The following GAB2 variants were observed in gnomAD, a reference collection of about 807,000 sequenced individuals.
The protein encoded by GAB2 is GRB2-associated-binding protein 2.
GAB2 carries 26 observed loss-of-function variants against 65.5 expected under a neutral mutation model. The ratio of observed to expected loss-of-function variants is 0.40; its 90% CI spans 0.29 to 0.55. The LOEUF (loss-of-function observed/expected upper bound fraction) is 0.55. Among genes scored for constraint, GAB2 ranks in the 20% least tolerant of loss-of-function variants. The pLI, the probability that GAB2 is intolerant of heterozygous loss-of-function variation, is 0.53. For synonymous variants in GAB2, 321 were observed against 329.6 expected, an observed-to-expected ratio of 0.97 and a Z score of 0.28; for missense variants, 884 against 875.8, an observed-to-expected ratio of 1.01 and a Z score of -0.12.
At chr11:78,263,699 C>T (rs2134550270) in intron 2 of GAB2, among the ~76,000 whole-genome samples, 1 of 151,818 alleles carries the variant, frequency 6.6e-6, no homozygotes, top group Admixed American at 6.6e-5. Context: ...GCTTAAATCA[C>T]CAGCTTGTTC....
chr11:78,404,484 C>G (rs1292671452), intron 1 of GAB2, among the ~76,000 whole-genome samples: 1 of 152,208 alleles, frequency 6.6e-6, no homozygotes, highest in Non-Finnish European at 1.5e-5. Context: ...GAGGTTGAGG[C>G]TGCAGTGAGC....
chr11:78,377,844 A>G (rs915469354), intron 1 of GAB2, among the ~76,000 whole-genome samples: 3 of 152,182 alleles, frequency 2.0e-5, no homozygotes, highest in Non-Finnish European at 4.4e-5. Flanking sequence ...ACCCTGCCAG[A>G]GATAAGGAGG....
chr11:78,341,542 T>C (rs1856095104), intron 1 of GAB2, among the ~76,000 whole-genome samples: 1 of 152,180 alleles, frequency 6.6e-6, no homozygotes, highest in Non-Finnish European at 1.5e-5. Flanking sequence ...ACCATAATGA[T>C]CCTGCACTAG....
intron 4 of GAB2, among the ~76,000 whole-genome samples, chr11:78,225,994 A>G (rs951628543): frequency 3.3e-5 from 5 of 152,266 alleles, no homozygotes; most frequent in Admixed American, 3.3e-4. Flanking sequence ...ACTTCAAATA[A>G]AAGTTTTGAC....
At chr11:78,262,734 TC>T (rs1236220785) in intron 2 of GAB2, among the ~76,000 whole-genome samples, 4 of 152,118 alleles carry the variant, frequency 2.6e-5, no homozygotes, top group Admixed American at 1.3e-4. Context: ...AAAATTGCAG[TC>T]CAAAAGGGAG....
At chr11:78,228,339 GAATC>G (rs1478846728) in intron 3 of GAB2, among the ~76,000 whole-genome samples, 2 of 152,204 alleles carry the variant, frequency 1.3e-5, no homozygotes, top group Non-Finnish European at 2.9e-5. Flanking sequence ...GGGAAAAAAA[GAATC>G]AATCCTTTGT....
At chr11:78,248,802 G>A (rs1458885675) in intron 3 of GAB2, among the ~76,000 whole-genome samples, 3 of 152,124 alleles carry the variant, frequency 2.0e-5, no homozygotes, top group African/African-American at 4.8e-5. Flanking sequence ...ACCCATATCC[G>A]ACTGACTCCA....
At position 78,302,440 on chromosome 11, in the gene GAB2, G is replaced by T. The variant is rs145027298; in HGVS notation, c.76-21539C>A. Among the ~76,000 whole-genome samples, 1,265 of 152,028 alleles carry T rather than the reference G, an allele frequency of 8.3e-3. 12 individuals carry two copies. The highest frequency in any genetic ancestry group is 0.029 in the African/African-American group (1,187 of 41,460). On this transcript the variant is annotated intron_variant, in intron 1 of 9. Transcript: ENST00000361507. ...ACAGACATATGAAAAAATGCTCAAC[G>T]TCACTAATGATCAGGCAAATGCAAA... is the stretch of plus-strand genomic sequence containing the variant.
At chr11:78,320,817 T>A (rs1855709918) in intron 1 of GAB2, among the ~76,000 whole-genome samples, 3 of 148,566 alleles carry the variant, frequency 2.0e-5, no homozygotes, top group Admixed American at 6.8e-5. Flanking sequence ...GTGATCCACC[T>A]GCCATGGCCT....
At chr11:78,280,556 C>T (rs578119668) in intron 2 of GAB2, 45 bp downstream of exon 2, 59 of 1,481,604 alleles carry the variant, frequency 4.0e-5, no homozygotes, top group Admixed American at 1.4e-4. Flanking sequence ...ATCCAAGGGC[C>T]TCACCTCAAC....
At chr11:78,283,364 A>G (rs987628009) in intron 1 of GAB2, among the ~76,000 whole-genome samples, 2 of 152,190 alleles carry the variant, frequency 1.3e-5, no homozygotes, top group African/African-American at 2.4e-5. Context: ...CCCCTTCTTC[A>G]GAATCGTTGC....
chr11:78,259,921 T>C (rs1041433788), intron 2 of GAB2, among the ~76,000 whole-genome samples: 3 of 152,202 alleles, frequency 2.0e-5, no homozygotes, highest in Non-Finnish European at 4.4e-5. Context: ...AATGTGGGCC[T>C]GGGGGCAGGA....
chr11:78,412,277 G>A (rs1021701181), intron 1 of GAB2, among the ~76,000 whole-genome samples: 9 of 152,114 alleles, frequency 5.9e-5, no homozygotes, highest in African/African-American at 2.2e-4. Flanking sequence ...GAACTAACGG[G>A]TGAATGGTTA....
chr11:78,358,611 TC>T (rs1856393467), intron 1 of GAB2, among the ~76,000 whole-genome samples: 1 of 151,876 alleles, frequency 6.6e-6, no homozygotes, highest in Admixed American at 6.6e-5. Context: ...ATTAATAATG[TC>T]CTGAGGCTAC....
intron 1 of GAB2, among the ~76,000 whole-genome samples, chr11:78,316,234 C>T (rs1855600987): frequency 6.6e-6 from 1 of 152,148 alleles, no homozygotes; most frequent in East Asian, 1.9e-4. Flanking sequence ...CCACTACCGG[C>T]TTCTCTCTTC....
intron 1 of GAB2, among the ~76,000 whole-genome samples, chr11:78,357,491 G>A (rs1219283001): frequency 6.6e-6 from 1 of 152,096 alleles, no homozygotes; most frequent in African/African-American, 2.4e-5. Flanking sequence ...TACAGAATGG[G>A]AGAAAATTTT....
intron 1 of GAB2, among the ~76,000 whole-genome samples, chr11:78,321,868 A>G (rs1249068402): frequency 7.0e-6 from 1 of 142,798 alleles, no homozygotes; most frequent in Non-Finnish European, 1.5e-5. Flanking sequence ...TATTTGACAA[A>G]GTTAAAAAAA....
intron 1 of GAB2, among the ~76,000 whole-genome samples, chr11:78,312,394 A>G (rs1855518902): frequency 6.6e-6 from 1 of 152,036 alleles, no homozygotes; most frequent in Non-Finnish European, 1.5e-5. Context: ...TCCTTACAAC[A>G]TCCTGTGAGT....
intron 1 of GAB2, among the ~76,000 whole-genome samples, chr11:78,401,426 A>G (rs1308769556): frequency 6.6e-6 from 1 of 152,046 alleles, no homozygotes; most frequent in East Asian, 1.9e-4. Context: ...TTTATTTAGC[A>G]TAATGTCATC....
Sources: allele counts gnomAD v4.1 joint callset (sites outside exome capture counted in the v4.1 genomes callset), GRCh38; gene constraint gnomAD v4.1.1; transcripts MANE v1.5; gene names NCBI Gene and HGNC (gene_info 2026-07-23, HGNC 2026-07-21).